TMEM128: variants seen among roughly 807,000 people sequenced by gnomAD.
The protein encoded by TMEM128 is transmembrane protein 128.
In TMEM128, 16 loss-of-function variants were observed where a neutral mutation model predicts 19.7. That is an observed-to-expected ratio of 0.81 (90% CI 0.55 to 1.23). TMEM128 has a LOEUF of 1.23. Ranked by LOEUF, TMEM128 falls within the 50% of genes most tolerant of loss-of-function variation. The pLI, the probability that TMEM128 is intolerant of heterozygous loss-of-function variation, is 0.00. For synonymous variants in TMEM128, 98 were observed against 75.8 expected (o/e 1.29, Z -1.52); for missense variants, 237 against 200.8 (o/e 1.18, Z -1.09).
chr4:4,237,163 A>C (rs1717753259), intron 4 of TMEM128: 1 of 429,148 alleles, frequency 2.3e-6, no homozygotes, highest in Non-Finnish European at 4.6e-6. Context: ...AGTCAGAATA[A>C]TTAGAAGATG....
intron 2 of TMEM128, among the ~76,000 whole-genome samples, chr4:4,245,550 G>A (rs1718132722): frequency 6.6e-6 from 1 of 152,046 alleles, no homozygotes; most frequent in Admixed American, 6.5e-5. Flanking sequence ...TTCCCCAAAT[G>A]GATTAGGTTC....
intron 2 of TMEM128, among the ~76,000 whole-genome samples, chr4:4,245,546 A>C (rs1490897758): frequency 1.3e-5 from 2 of 152,068 alleles, no homozygotes; most frequent in African/African-American, 4.8e-5. Context: ...TCTTTTCCCC[A>C]AATGGATTAG....
intron 2 of TMEM128, among the ~76,000 whole-genome samples, chr4:4,241,764 C>T (rs900308011): frequency 1.5e-4 from 23 of 152,202 alleles, no homozygotes; most frequent in Admixed American, 1.5e-3. Context: ...GGCAAATTAC[C>T]TAACCTCCGT....
intron 3 of TMEM128, among the ~76,000 whole-genome samples, chr4:4,238,644 A>G (rs553652095): frequency 3.3e-5 from 5 of 152,320 alleles, no homozygotes; most frequent in Admixed American, 3.3e-4. Flanking sequence ...CAGGTTAACA[A>G]TAACCACATC....
intron 2 of TMEM128, among the ~76,000 whole-genome samples, chr4:4,242,783 T>C (rs776282359): frequency 3.9e-5 from 6 of 151,952 alleles, no homozygotes; most frequent in Non-Finnish European, 7.4e-5. Context: ...CCTCCCAAAG[T>C]GCTCGGATTA....
At chr4:4,240,598 G>T in intron 2 of TMEM128, 119 bp from the exon 3 acceptor site, 1 of 1,141,668 alleles carries the variant, frequency 8.8e-7, no homozygotes, top group Non-Finnish European at 1.2e-6. Context: ...TGCAGAGGGA[G>T]CCATACTTAA....
chr4:4,244,107 C>T (rs576465795), intron 2 of TMEM128, among the ~76,000 whole-genome samples: 1 of 152,268 alleles, frequency 6.6e-6, no homozygotes, highest in African/African-American at 2.4e-5. Flanking sequence ...TTGGCACTGA[C>T]AGCCAAACAC....
At chr4:4,236,413 C>T (rs1717722499) in intron 4 of TMEM128, among the ~76,000 whole-genome samples, 157 bp from the exon 5 acceptor site, 1 of 152,158 alleles carries the variant, frequency 6.6e-6, no homozygotes, top group African/African-American at 2.4e-5. Context: ...TCTCCATTAC[C>T]AATTATAACT....
At chr4:4,241,942 G>A (rs1411638178) in intron 2 of TMEM128, among the ~76,000 whole-genome samples, 8 of 151,876 alleles carry the variant, frequency 5.3e-5, no homozygotes, top group South Asian at 2.1e-4. Context: ...TTGCTCTGTT[G>A]CCCAGGCTGG....
At chr4:4,247,491 C>A in intron 1 of TMEM128, 1 of 1,430,164 alleles carries the variant, frequency 7.0e-7, no homozygotes, top group Non-Finnish European at 9.7e-7. Context: ...AAGTATCTGT[C>A]TCCCATCCTT....
chr4:4,246,037 G>A (rs1052060411), intron 2 of TMEM128, among the ~76,000 whole-genome samples, 165 bp downstream of exon 2: 2 of 152,070 alleles, frequency 1.3e-5, no homozygotes, highest in Non-Finnish European at 2.9e-5. Flanking sequence ...CTAAAAATAT[G>A]TACCCTTTGA....
intron 1 of TMEM128, among the ~76,000 whole-genome samples, chr4:4,247,081 GTTACT>G (rs1431129155): frequency 6.6e-6 from 1 of 152,156 alleles, no homozygotes; most frequent in Non-Finnish European, 1.5e-5. Flanking sequence ...AAATATTTTA[GTTACT>G]TTAAACACAG....
chr4:4,245,129 G>A (rs1228954536), intron 2 of TMEM128, among the ~76,000 whole-genome samples: 1 of 151,940 alleles, frequency 6.6e-6, no homozygotes, highest in Non-Finnish European at 1.5e-5. Context: ...TATTACTCTT[G>A]ACCCTAAGCA....
At chr4:4,245,502 T>C (rs1049677501) in intron 2 of TMEM128, among the ~76,000 whole-genome samples, 1 of 152,188 alleles carries the variant, frequency 6.6e-6, no homozygotes, top group Non-Finnish European at 1.5e-5. Flanking sequence ...CTCTTGTACT[T>C]GGTCTTTGAA....
intron 2 of TMEM128, 36 bp from the exon 3 acceptor site, chr4:4,240,515 C>T (rs1210743529): frequency 1.3e-6 from 2 of 1,590,574 alleles, no homozygotes; most frequent in Non-Finnish European, 1.7e-6. Context: ...TCTGACAGCA[C>T]TTAATGAATC....
Position 4,240,444 on chromosome 4 carries a change from C to T in TMEM128, c.275G>A (p.Ser92Asn), listed in dbSNP as rs1717907488. ...FLCGSALLLVSLSIAFYCIVY... is the reference protein window; with the variant it reads ...FLCGSALLLVNLSIAFYCIVY... ...TATGCAGTAAAATGCAATTGATAAA[C>T]TGACAAGCAACAAGGCACTGCCACA... is the stretch of plus-strand genomic sequence containing the variant. The change falls in exon 3 of 5, where the codon AGT (serine) becomes AAT (asparagine). Residue 92 changes from serine to asparagine, a missense_variant. Physicochemically the swap from Ser to Asn is conservative, Grantham distance 46 (BLOSUM62 1). Transcript: ENST00000382753. 6.2e-7 allele frequency: 1 copy of T among 1,613,546 alleles called. No individual in the cohort carries two copies. Among genetic ancestry groups the T allele is most frequent in the Non-Finnish European group, 8.5e-7 (1 of 1,179,742 alleles).
rs1194494240 is a variant in TMEM128, at chr4:4,248,151, G to T, written c.52C>A (p.Pro18Thr). The T allele has an allele frequency of 1.2e-5, 19 of 1,534,152 alleles. No homozygotes were observed. The highest frequency in any genetic ancestry group is 1.7e-5 in the Non-Finnish European group (19 of 1,141,986). Residue 18 changes from proline to threonine, a missense_variant, in exon 1 of 5, where the codon CCG becomes ACG. Transcript: ENST00000382753. ...QQLRRRFLLL[P>T]DAEAQLDREG... ...CGGTCCAGCTGGGCCTCGGCGTCCG[G>T]CAGGAGGAGGAATCGCCGCCGGAGC...
chr4:4,244,219 T>C (rs953771349), intron 2 of TMEM128, among the ~76,000 whole-genome samples: 5 of 152,156 alleles, frequency 3.3e-5, no homozygotes, highest in Admixed American at 1.3e-4. Flanking sequence ...CTCACACCTG[T>C]AATCGCAGTA....
chr4:4,242,239 G>T (rs17698708), intron 2 of TMEM128, among the ~76,000 whole-genome samples: 45,585 of 150,052 alleles, frequency 0.3, 7,886 homozygotes, highest in East Asian at 0.46. Context: ...AGGAAAAAAT[G>T]TCCATGTTCA....
Sources: gnomAD v4.1 joint callset for allele counts (sites outside exome capture counted in the v4.1 genomes callset) on GRCh38, gnomAD v4.1.1 for gene constraint, MANE v1.5 for transcripts, NCBI Gene and HGNC (gene_info 2026-07-23, HGNC 2026-07-21) for gene names.